Variants in LTBP1 observed in about 807,000 individuals in gnomAD.
The protein encoded by LTBP1 is latent-transforming growth factor beta-binding protein 1.
LTBP1 carries 129 observed loss-of-function variants against 207.6 expected under a neutral mutation model. The observed-to-expected ratio is 0.62, with a 90% CI of 0.54 to 0.72. LTBP1 has a LOEUF of 0.72. Ranked by LOEUF, LTBP1 falls within the 30% of genes least tolerant of loss-of-function variation. The pLI is 0.00. For synonymous variants in LTBP1, 963 were observed against 833.7 expected, an observed-to-expected ratio of 1.16 and a Z score of -2.67; for missense variants, 2,281 against 2,217.2, an observed-to-expected ratio of 1.03 and a Z score of -0.58.
At chr2:33,199,923 G>A (rs2089019026) in intron 7 of LTBP1, among the ~76,000 whole-genome samples, 1 of 152,178 alleles carries the variant, frequency 6.6e-6, no homozygotes, top group Non-Finnish European at 1.5e-5. Flanking sequence ...TACAAAGGAT[G>A]TGAAGGACCT....
intron 3 of LTBP1, among the ~76,000 whole-genome samples, chr2:33,077,379 G>A (rs977470796): frequency 2.6e-5 from 4 of 152,290 alleles, no homozygotes; most frequent in Middle Eastern, 3.4e-3. Flanking sequence ...ACAAAGAAAA[G>A]ATATTTAATT....
chr2:33,213,562 C>T (rs187914956), intron 7 of LTBP1, among the ~76,000 whole-genome samples: 147 of 152,292 alleles, frequency 9.7e-4, no homozygotes, highest in African/African-American at 3.4e-3. Context: ...GAGAGAAGAT[C>T]TTTCCTCTAC....
chr2:33,359,759 C>T (rs910368885), intron 26 of LTBP1, among the ~76,000 whole-genome samples: 1 of 152,192 alleles, frequency 6.6e-6, no homozygotes, highest in Non-Finnish European at 1.5e-5. Context: ...CTTTCCAAGT[C>T]TAGTCACAAA....
chr2:33,256,717 G>T (rs2092862211), intron 11 of LTBP1, among the ~76,000 whole-genome samples: 1 of 94,200 alleles, frequency 1.1e-5, no homozygotes, highest in Non-Finnish European at 2.1e-5. Context: ...ATGGGATGGA[G>T]GGCTAACTAT....
At chr2:32,958,245 G>A (rs924519506) in intron 2 of LTBP1, among the ~76,000 whole-genome samples, 7 of 152,092 alleles carry the variant, frequency 4.6e-5, no homozygotes, top group African/African-American at 1.7e-4. Context: ...ATCATCCAGG[G>A]GCTTGCTACG....
chr2:33,150,710 C>CTTTTTTTTTTTTTTTTTTTTTTT (rs1176008947), intron 5 of LTBP1, among the ~76,000 whole-genome samples: 13 of 69,298 alleles, frequency 1.9e-4, no homozygotes, highest in African/African-American at 3.7e-4. Context: ...TTTTCTTTTT[C>CTTTTTTTTTTTTTTTTTTTTTTT]TTTTTTTTTT....
intron 26 of LTBP1, among the ~76,000 whole-genome samples, chr2:33,354,260 C>T (rs2094824156): frequency 6.6e-6 from 1 of 151,888 alleles, no homozygotes; most frequent in Admixed American, 6.6e-5. Context: ...GTTTAGTTAA[C>T]CTGTTAAATA....
intron 19 of LTBP1, among the ~76,000 whole-genome samples, chr2:33,290,813 TC>T (rs1477561284): frequency 6.6e-6 from 1 of 152,116 alleles, no homozygotes; most frequent in Non-Finnish European, 1.5e-5. Flanking sequence ...CCATAAAGAC[TC>T]AGAGGTACCT....
chr2:32,999,020 G>C (rs1473330761), intron 2 of LTBP1, among the ~76,000 whole-genome samples: 3 of 152,148 alleles, frequency 2.0e-5, no homozygotes, highest in African/African-American at 4.8e-5. Flanking sequence ...CACCTTATGA[G>C]GCCCCACCCA....
chr2:33,242,332 C>T (rs2092356859), intron 9 of LTBP1, among the ~76,000 whole-genome samples: 2 of 152,074 alleles, frequency 1.3e-5, no homozygotes, highest in African/African-American at 4.8e-5. Flanking sequence ...TTTGTAAAAT[C>T]ACTTCATTTA....
At chr2:33,113,588 A>G (rs1205143735) in intron 4 of LTBP1, among the ~76,000 whole-genome samples, 2 of 152,196 alleles carry the variant, frequency 1.3e-5, no homozygotes, top group African/African-American at 4.8e-5. Flanking sequence ...TCCCTGTCCA[A>G]TGTGTACACA....
intron 4 of LTBP1, among the ~76,000 whole-genome samples, chr2:33,130,537 A>T (rs978064470): frequency 6.6e-6 from 1 of 152,140 alleles, no homozygotes; most frequent in African/African-American, 2.4e-5. Context: ...CAGTTTTCAC[A>T]TTTTTATATT....
intron 15 of LTBP1, among the ~76,000 whole-genome samples, chr2:33,264,489 G>A (rs1456145152): frequency 3.3e-5 from 5 of 151,958 alleles, no homozygotes; most frequent in Admixed American, 2.6e-4. Flanking sequence ...TGAAACAAAT[G>A]CAAAATTCTA....
At chr2:32,981,356 G>T (rs1572926403) in intron 2 of LTBP1, among the ~76,000 whole-genome samples, 1 of 152,124 alleles carries the variant, frequency 6.6e-6, no homozygotes, top group East Asian at 1.9e-4. Context: ...GAAGGTTTCT[G>T]CTCAGGTGTT....
intron 5 of LTBP1, among the ~76,000 whole-genome samples, chr2:33,160,795 G>A (rs1371352703): frequency 4.6e-5 from 7 of 152,192 alleles, no homozygotes; most frequent in African/African-American, 1.7e-4. Flanking sequence ...TCTATCTGTT[G>A]CTGACCAGCA....
At chr2:33,056,203 T>C (rs1435139537) in intron 3 of LTBP1, 4 of 311,198 alleles carry the variant, frequency 1.3e-5, no homozygotes, top group Non-Finnish European at 2.4e-5. Flanking sequence ...GAGCCGCCTC[T>C]TTTTCAGGGT....
intron 5 of LTBP1, among the ~76,000 whole-genome samples, chr2:33,165,585 A>G (rs1053701212): frequency 1.3e-5 from 2 of 152,232 alleles, no homozygotes; most frequent in African/African-American, 4.8e-5. Context: ...CAGACCTACA[A>G]CGGAACTGAG....
At position 33,261,049 on chromosome 2, in the gene LTBP1, G is replaced by T. The variant is rs1027450757; in HGVS notation, c.2418+1439G>T. ...GAAAAGAAAGGATACCCAGAGATGT[G>T]CAAAGGTGTGGTAGAGGGGACAGCA... is the stretch of plus-strand genomic sequence containing the variant. On this transcript the variant is annotated intron_variant, in intron 13 of 33. Coordinates refer to ENST00000404816, the MANE Select transcript of LTBP1 (RefSeq NM_206943.4). Among the ~76,000 whole-genome samples, 3 of 152,186 alleles carry T rather than the reference G, an allele frequency of 2.0e-5. No individual in the cohort carries two copies. In the East Asian group the frequency reaches 5.8e-4, roughly 29 times the overall value.
intron 19 of LTBP1, among the ~76,000 whole-genome samples, chr2:33,288,916 C>T (rs144528651): frequency 8.6e-5 from 13 of 151,480 alleles, no homozygotes; most frequent in African/African-American, 3.1e-4. Context: ...GACCACTGAG[C>T]TTCATGTTAA....
Sources: gnomAD v4.1 joint callset for allele counts (sites outside exome capture counted in the v4.1 genomes callset) on GRCh38, gnomAD v4.1.1 for gene constraint, MANE v1.5 for transcripts, NCBI Gene and HGNC (gene_info 2026-07-23, HGNC 2026-07-21) for gene names.